MGAT4C: variants seen among roughly 807,000 people sequenced by gnomAD.
MGAT4C encodes alpha-1,3-mannosyl-glycoprotein 4-beta-N-acetylglucosaminyltransferase C.
A neutral mutation model predicts 40.1 loss-of-function variants in MGAT4C; 19 were observed. The ratio of observed to expected loss-of-function variants is 0.47; its 90% CI spans 0.33 to 0.70. The LOEUF (loss-of-function observed/expected upper bound fraction) is 0.70. MGAT4C is among the 30% of genes least tolerant of loss of function. The pLI is 0.02. For synonymous variants in MGAT4C, 181 were observed against 187.1 expected (o/e 0.97, Z 0.27); for missense variants, 491 against 563.2 (o/e 0.87, Z 1.30).
intron 3 of MGAT4C, among the ~76,000 whole-genome samples, chr12:86,391,328 G>C (rs564261293): frequency 6.6e-6 from 1 of 152,300 alleles, no homozygotes; most frequent in South Asian, 2.1e-4. Flanking sequence ...CAAAACACAG[G>C]ACAGTTGTGC....
rs373490244 is a variant in MGAT4C at position 86,522,984 on chromosome 12, C to G, written c.-228-87719G>C. On this transcript the variant is annotated intron_variant, in intron 2 of 7. Transcript: ENST00000548651. ...CATTTCTAATTGTGTTTATCTGGAT[C>G]TCTCTTTTCTTCTTTATTAGTCTAG... Among the ~76,000 whole-genome samples, 220 of 151,820 alleles carry G rather than the reference C, an allele frequency of 1.4e-3. 1 individual carries two copies. Among genetic ancestry groups the G allele is most frequent in the African/African-American group, 5.0e-3 (207 of 41,402 alleles).
At chr12:86,148,214 C>A (rs1329724453) in intron 1 of MGAT4C, among the ~76,000 whole-genome samples, 1 of 152,130 alleles carries the variant, frequency 6.6e-6, no homozygotes, top group Non-Finnish European at 1.5e-5. Context: ...AAGGAGAGAA[C>A]CAGGAATCAT....
chr12:86,533,883 A>G (rs1247423422), intron 2 of MGAT4C, among the ~76,000 whole-genome samples: 1 of 151,738 alleles, frequency 6.6e-6, no homozygotes, highest in Non-Finnish European at 1.5e-5. Context: ...ACTGACCAGC[A>G]TAAATGTTAA....
At chr12:86,605,528 C>G (rs186480024) in intron 2 of MGAT4C, among the ~76,000 whole-genome samples, 1 of 152,154 alleles carries the variant, frequency 6.6e-6, no homozygotes, top group Admixed American at 6.6e-5. Context: ...TCTGAGAGGT[C>G]CATTTCCATA....
chr12:86,093,279 T>C (rs563622789), intron 1 of MGAT4C, among the ~76,000 whole-genome samples: 4 of 152,322 alleles, frequency 2.6e-5, no homozygotes, highest in African/African-American at 9.6e-5. Context: ...TCTGACATCA[T>C]ACAGCTAAAG....
chr12:86,764,128 A>G (rs1451878277), intron 1 of MGAT4C, among the ~76,000 whole-genome samples: 1 of 152,158 alleles, frequency 6.6e-6, no homozygotes, highest in Non-Finnish European at 1.5e-5. Flanking sequence ...GGGGTGACAG[A>G]TGGCACCTGG....
At chr12:86,339,635 A>G (rs1954866190) in intron 3 of MGAT4C, among the ~76,000 whole-genome samples, 2 of 152,172 alleles carry the variant, frequency 1.3e-5, no homozygotes, top group Admixed American at 6.5e-5. Flanking sequence ...AGAAACTTCC[A>G]TACACTTACA....
chr12:86,105,163 C>G (rs573986657), intron 1 of MGAT4C, among the ~76,000 whole-genome samples: 9 of 152,098 alleles, frequency 5.9e-5, no homozygotes, highest in Non-Finnish European at 1.2e-4. Context: ...ACGATTTCAT[C>G]TTGGACTTAA....
intron 1 of MGAT4C, among the ~76,000 whole-genome samples, chr12:86,791,796 G>A (rs1952027310): frequency 6.6e-6 from 1 of 152,110 alleles, no homozygotes; most frequent in Admixed American, 6.6e-5. Flanking sequence ...TGAGGAAACT[G>A]TAAGCAAAGA....
intron 1 of MGAT4C, among the ~76,000 whole-genome samples, chr12:86,184,372 T>A (rs1406024077): frequency 6.6e-6 from 1 of 150,976 alleles, no homozygotes; most frequent in Non-Finnish European, 1.5e-5. Flanking sequence ...TGAGACTCCG[T>A]TTAAAAAAAA....
At chr12:86,761,421 A>G (rs1245536085) in intron 1 of MGAT4C, among the ~76,000 whole-genome samples, 1 of 152,240 alleles carries the variant, frequency 6.6e-6, no homozygotes, top group African/African-American at 2.4e-5. Flanking sequence ...GAATAATACA[A>G]TGCAAATTTA....
At chr12:86,305,176 A>G (rs966558496) in intron 4 of MGAT4C, among the ~76,000 whole-genome samples, 1 of 150,694 alleles carries the variant, frequency 6.6e-6, no homozygotes, top group Non-Finnish European at 1.5e-5. Flanking sequence ...GCAGTGGCTC[A>G]TGTCTGGAAT....
At chr12:86,589,626 T>C (rs1334279691) in intron 2 of MGAT4C, among the ~76,000 whole-genome samples, 5 of 152,080 alleles carry the variant, frequency 3.3e-5, no homozygotes, top group Non-Finnish European at 7.4e-5. Flanking sequence ...ACCAATATCC[T>C]TGATGAACAT....
intron 1 of MGAT4C, among the ~76,000 whole-genome samples, chr12:86,781,279 G>T (rs1407669259): frequency 6.6e-6 from 1 of 151,838 alleles, no homozygotes; most frequent in Non-Finnish European, 1.5e-5. Context: ...CCCACTAACA[G>T]TCTGTAATCA....
intron 1 of MGAT4C, among the ~76,000 whole-genome samples, chr12:86,768,438 C>T (rs553905537): frequency 1.3e-5 from 2 of 152,046 alleles, no homozygotes; most frequent in Non-Finnish European, 1.5e-5. Flanking sequence ...AATGGCCATA[C>T]TACCCAAGGT....
At chr12:86,571,986 C>A (rs4503615) in intron 2 of MGAT4C, among the ~76,000 whole-genome samples, 2 of 151,912 alleles carry the variant, frequency 1.3e-5, no homozygotes, top group African/African-American at 2.4e-5. Context: ...TAAAATTATG[C>A]CCCTTCCAAC....
chr12:86,308,426 G>A (rs1417641493), intron 4 of MGAT4C, among the ~76,000 whole-genome samples: 1 of 150,184 alleles, frequency 6.7e-6, no homozygotes, highest in Non-Finnish European at 1.5e-5. Flanking sequence ...ATCTCTTAAG[G>A]CTTATTACCA....
At chr12:86,750,997 CA>C (rs1459007890) in intron 1 of MGAT4C, among the ~76,000 whole-genome samples, 3 of 151,890 alleles carry the variant, frequency 2.0e-5, no homozygotes, top group Admixed American at 6.6e-5. Context: ...TAAGTTACCT[CA>C]ATAGCTCATA....
intron 3 of MGAT4C, among the ~76,000 whole-genome samples, chr12:86,376,047 T>G (rs1478174059): frequency 6.6e-6 from 1 of 151,876 alleles, no homozygotes; most frequent in East Asian, 1.9e-4. Context: ...GTTTTGGAAA[T>G]AATTATTTGT....
Sources: gnomAD v4.1 joint callset for allele counts (sites outside exome capture counted in the v4.1 genomes callset) on GRCh38, gnomAD v4.1.1 for gene constraint, MANE v1.5 for transcripts, NCBI Gene and HGNC (gene_info 2026-07-23, HGNC 2026-07-21) for gene names.